The following NR3C2 variants were observed in gnomAD, a reference collection of about 807,000 sequenced individuals.
NR3C2 encodes mineralocorticoid receptor.
Under a neutral mutation model 86.4 loss-of-function variants are expected in NR3C2, and 15 were observed. The observed-to-expected ratio is 0.17, with a 90% CI of 0.12 to 0.27. The LOEUF is 0.27. Ranked by LOEUF, NR3C2 falls within the 10% of genes least tolerant of loss-of-function variation. NR3C2 has a pLI of 1.00. For missense variants in NR3C2, 960 were observed against 1,195.6 expected (o/e 0.80, Z 2.91); for synonymous variants, 458 against 450.5 (o/e 1.02, Z -0.21).
At chr4:148,259,929 T>A (rs1250528243) in intron 3 of NR3C2, 49 bp downstream of exon 3, 1 of 1,611,850 alleles carries the variant, frequency 6.2e-7, no homozygotes, top group Non-Finnish European at 8.5e-7. Flanking sequence ...ACAAGTAAAC[T>A]ACACACTAGG....
At chr4:148,091,840 G>A (rs1157471224) in intron 8 of NR3C2, among the ~76,000 whole-genome samples, 2 of 152,190 alleles carry the variant, frequency 1.3e-5, no homozygotes, top group Non-Finnish European at 2.9e-5. Flanking sequence ...CACCCTGGAA[G>A]GGGATTCTGG....
At chr4:148,105,137 G>T (rs921379761) in intron 8 of NR3C2, among the ~76,000 whole-genome samples, 1 of 152,248 alleles carries the variant, frequency 6.6e-6, no homozygotes, top group Non-Finnish European at 1.5e-5. Flanking sequence ...AGATGCAAAA[G>T]CACCCACTAA....
intron 2 of NR3C2, among the ~76,000 whole-genome samples, chr4:148,395,410 T>G (rs1579247899): frequency 6.6e-6 from 1 of 152,270 alleles, no homozygotes; most frequent in Non-Finnish European, 1.5e-5. Flanking sequence ...TCAGTTAAAG[T>G]TCCCAATAAG....
chr4:148,197,409 T>C (rs1230414023), intron 3 of NR3C2, among the ~76,000 whole-genome samples: 4 of 152,236 alleles, frequency 2.6e-5, no homozygotes, highest in Admixed American at 1.3e-4. Context: ...TAAGTATTTA[T>C]GGGGAACCTC....
intron 8 of NR3C2, among the ~76,000 whole-genome samples, chr4:148,107,625 A>C (rs1231470877): frequency 6.6e-6 from 1 of 152,268 alleles, no homozygotes; most frequent in African/African-American, 2.4e-5. Flanking sequence ...GGCTGGGTAA[A>C]GAAAATGTGG....
intron 2 of NR3C2, among the ~76,000 whole-genome samples, chr4:148,302,221 C>T (rs1050523453): frequency 3.3e-5 from 5 of 152,136 alleles, no homozygotes; most frequent in African/African-American, 1.2e-4. Context: ...ATATACAGGA[C>T]TCATGGAGAG....
intron 6 of NR3C2, among the ~76,000 whole-genome samples, chr4:148,141,818 G>T (rs1733625312): frequency 6.6e-6 from 1 of 152,148 alleles, no homozygotes; most frequent in Non-Finnish European, 1.5e-5. Context: ...CTCCTTATGA[G>T]AATCTAACTA....
Position 148,136,092 on chromosome 4 carries a change from C to CAA in NR3C2, c.2511-15805_2511-15804insTT, listed in dbSNP as rs1560940101. 9.6e-4 allele frequency among the ~76,000 whole-genome samples: 132 copies of CAA among 137,686 alleles called. 7 individuals carry two copies. The highest frequency in any genetic ancestry group is 3.7e-3 in the African/African-American group (125 of 34,214). 90.3% of individuals were successfully genotyped at this position (137,686 alleles called of 152,430 possible). ...AAAAAAAAAACAAAAAAAAAAAACACCACCAAAACCAACAAAAAAAACAAA... is the reference window on the plus strand; with the variant it reads ...AAAAAAAAAACAAAAAAAAAAAACACAACACCAAAACCAACAAAAAAAACAAA... On this transcript the variant is annotated intron_variant, in intron 6 of 8. Coordinates refer to ENST00000358102, the MANE Select transcript of NR3C2 (RefSeq NM_000901.5).
At chr4:148,391,951 C>A (rs992406599) in intron 2 of NR3C2, among the ~76,000 whole-genome samples, 2 of 141,614 alleles carry the variant, frequency 1.4e-5, no homozygotes, top group Non-Finnish European at 3.1e-5. Flanking sequence ...CAAGTAATAA[C>A]GTAGTAAAAA....
At chr4:148,152,879 G>C (rs1314438890) in intron 5 of NR3C2, among the ~76,000 whole-genome samples, 1 of 152,138 alleles carries the variant, frequency 6.6e-6, no homozygotes, top group Non-Finnish European at 1.5e-5. Context: ...GTTTCAGTGT[G>C]GATGACAGCC....
intron 2 of NR3C2, among the ~76,000 whole-genome samples, chr4:148,408,752 CCATT>C (rs1045352738): frequency 3.9e-5 from 6 of 151,968 alleles, no homozygotes; most frequent in East Asian, 1.9e-4. Flanking sequence ...CATAATATCA[CCATT>C]CAGAGAAATA....
chr4:148,211,518 G>GA (rs1261824601), intron 3 of NR3C2, among the ~76,000 whole-genome samples: 1 of 152,048 alleles, frequency 6.6e-6, no homozygotes, highest in Admixed American at 6.5e-5. Context: ...TTATAAAACT[G>GA]AAAAAATATA....
At position 148,400,315 on chromosome 4, in the gene NR3C2, T is replaced by C. The variant is rs555025527; in HGVS notation, c.1757+34789A>G. ...CTAGACTGCCTTCTACTTACAGTAATGTATACTAATAGTTGTGGCTTGGGA... is the reference window on the plus strand; with the variant it reads ...CTAGACTGCCTTCTACTTACAGTAACGTATACTAATAGTTGTGGCTTGGGA... On this transcript the variant is annotated intron_variant, in intron 2 of 8. Coordinates refer to ENST00000358102, the MANE Select transcript of NR3C2 (RefSeq NM_000901.5). Among the ~76,000 whole-genome samples the C allele has an allele frequency of 2.0e-5, 3 of 152,328 alleles. No homozygotes were observed. In the East Asian group the frequency reaches 5.8e-4, roughly 29 times the overall value.
intron 7 of NR3C2, among the ~76,000 whole-genome samples, chr4:148,117,467 G>A (rs1417679189): frequency 6.6e-6 from 1 of 152,168 alleles, no homozygotes; most frequent in Non-Finnish European, 1.5e-5. Flanking sequence ...AATGACACTG[G>A]AGGTAAAGTT....
chr4:148,119,341 A>T (rs1732407429), intron 7 of NR3C2, among the ~76,000 whole-genome samples: 1 of 152,058 alleles, frequency 6.6e-6, no homozygotes, highest in Non-Finnish European at 1.5e-5. Context: ...GCCATCTCAC[A>T]CCTTCTATCC....
rs748927140 is a variant in NR3C2 at position 148,436,704 on chromosome 4, C to T, written c.157G>A (p.Gly53Ser). Reference protein sequence around the residue: ...MEIVNVSCVSGAIPNNSTQGS... With the variant: ...MEIVNVSCVSSAIPNNSTQGS... ...TGAGTACTGTTGTTTGGAATAGCAC[C>T]GGAAACACAGCTTACGTTGACAATC... Residue 53 changes from glycine (G) to serine (S), a missense_variant, in exon 2 of 9, where the codon GGT becomes AGT. By Grantham distance (56) the Gly-to-Ser change is moderately conservative (BLOSUM62 0). Around this residue, in one of 4 missense-constraint regions of NR3C2, gnomAD observed 680 missense variants for 719.0 expected, o/e 0.95. Coordinates refer to ENST00000358102, the MANE Select transcript of NR3C2 (RefSeq NM_000901.5). 3 of 1,614,080 alleles carry T rather than the reference C, an allele frequency of 1.9e-6. No individual in the cohort carries two copies. Among genetic ancestry groups the T allele is most frequent in the Non-Finnish European group, 2.5e-6 (3 of 1,180,020 alleles).
intron 2 of NR3C2, among the ~76,000 whole-genome samples, chr4:148,337,541 G>T (rs975966849): frequency 6.6e-6 from 1 of 152,132 alleles, no homozygotes; most frequent in African/African-American, 2.4e-5. Context: ...TTAATGCATT[G>T]AGTTTCAAAT....
rs72655246 is a variant in NR3C2, at chr4:148,264,176, G to A, written c.1758-4059C>T. 4.3e-4 allele frequency among the ~76,000 whole-genome samples: 66 copies of A among 152,294 alleles called. 1 individual carries two copies. Among genetic ancestry groups the A allele is most frequent in the African/African-American group, 1.5e-3 (64 of 41,566 alleles). ...GGGACAGACTATTGTCAAAAGCTCA[G>A]CCAGCTGTCTTGCAAACATATGCAT... On this transcript the variant is annotated intron_variant, in intron 2 of 8. Coordinates refer to ENST00000358102, the MANE Select transcript of NR3C2 (RefSeq NM_000901.5).
rs572008912 is a variant in NR3C2, at chr4:148,319,784, C to T, written c.1758-59667G>A. ...AGCTTAAGGAGATTTTGGGTTGAGA[C>T]AATGGGTTTTTCTAGATATACAATC... is the stretch of plus-strand genomic sequence containing the variant. On this transcript the variant is annotated intron_variant, in intron 2 of 8. Transcript: ENST00000358102. Among the ~76,000 whole-genome samples the T allele has an allele frequency of 6.5e-3, 946 of 145,320 alleles. 13 individuals carry two copies. The highest frequency in any genetic ancestry group is 0.024 in the African/African-American group (856 of 35,250).
Sources: allele counts gnomAD v4.1 joint callset (sites outside exome capture counted in the v4.1 genomes callset), GRCh38; gene constraint gnomAD v4.1.1; regional missense constraint gnomAD v4.1.1; transcripts MANE v1.5; gene names NCBI Gene and HGNC (gene_info 2026-07-23, HGNC 2026-07-21).